SUGCT: variants seen among roughly 807,000 people sequenced by gnomAD.
SUGCT encodes succinyl-CoA:glutarate-CoA transferase.
In SUGCT, 41 loss-of-function variants were observed where a neutral mutation model predicts 55.0. The ratio of observed to expected loss-of-function variants is 0.74; its 90% CI spans 0.58 to 0.97. The LOEUF is 0.97. SUGCT is among the 50% of genes least tolerant of loss of function. SUGCT has a pLI of 0.00. For missense variants in SUGCT, 568 were observed against 547.8 expected (o/e 1.04, Z -0.37); for synonymous variants, 187 against 200.4 (o/e 0.93, Z 0.56).
At chr7:40,849,538 G>A (rs951004242) in intron 13 of SUGCT, among the ~76,000 whole-genome samples, 2 of 152,124 alleles carry the variant, frequency 1.3e-5, no homozygotes, top group African/African-American at 2.4e-5. Flanking sequence ...TTTCCCCCAT[G>A]TTTTTGGCTA....
At chr7:40,812,775 T>C (rs1023252229) in intron 13 of SUGCT, among the ~76,000 whole-genome samples, 1 of 152,120 alleles carries the variant, frequency 6.6e-6, no homozygotes, top group African/African-American at 2.4e-5. Flanking sequence ...GTTAGTTTGT[T>C]CCTGTTTCTC....
chr7:40,180,897 T>A (rs755650226), intron 1 of SUGCT, 50 bp from the exon 2 acceptor site: 5 of 1,374,190 alleles, frequency 3.6e-6, no homozygotes, highest in Non-Finnish European at 5.2e-6. Flanking sequence ...TGTGAAAATG[T>A]AAGAAAATTA....
At chr7:40,336,932 G>C (rs1267552262) in intron 9 of SUGCT, among the ~76,000 whole-genome samples, 2 of 152,196 alleles carry the variant, frequency 1.3e-5, no homozygotes, top group Non-Finnish European at 2.9e-5. Context: ...GTGTCCCAGA[G>C]ATTCTGGTAT....
chr7:40,189,620 C>T lies in SUGCT; in HGVS notation c.363+26C>T, dbSNP rs1221957224. The T allele has an allele frequency of 7.6e-6, 10 of 1,316,994 alleles. No individual in the cohort carries two copies. The Admixed American group carries it at 2.2e-4, about 29-fold the overall frequency. The allele number at this position is 1,316,994 out of a possible 1,614,324, so 81.6% of individuals were successfully genotyped here. A position where few individuals can be genotyped will look rare whatever the true frequency, so the allele number is the denominator to read the frequency against. On this transcript the variant is annotated intron_variant, in intron 5 of 13. Coordinates refer to ENST00000335693, the MANE Select transcript of SUGCT (RefSeq NM_001193313.2). The stretch of plus-strand genomic sequence containing the variant: ...GTACAGTATGATGTATAGAAAGCAT[C>T]CTACCACCTAGGTTATAATTAGGGT...
At chr7:40,156,623 A>C (rs184822624) in intron 1 of SUGCT, among the ~76,000 whole-genome samples, 1 of 152,200 alleles carries the variant, frequency 6.6e-6, no homozygotes, top group Admixed American at 6.5e-5. Flanking sequence ...ACCACCTCTG[A>C]GGTGGTGGCT....
the SUGCT span, among the ~76,000 whole-genome samples, chr7:40,895,760 C>T: frequency 6.6e-6 from 1 of 151,972 alleles, no homozygotes; most frequent in Non-Finnish European, 1.5e-5. Flanking sequence ...CAATCTTGAA[C>T]AAAAAGGACA....
At chr7:40,788,164 G>T (rs1178570991) in intron 13 of SUGCT, among the ~76,000 whole-genome samples, 1 of 152,166 alleles carries the variant, frequency 6.6e-6, no homozygotes, top group African/African-American at 2.4e-5. Flanking sequence ...TCTCCCTGCA[G>T]CAGGGTATCG....
At chr7:40,347,443 G>A (rs1428321227) in intron 9 of SUGCT, among the ~76,000 whole-genome samples, 1 of 152,178 alleles carries the variant, frequency 6.6e-6, no homozygotes, top group East Asian at 1.9e-4. Flanking sequence ...CATGAAACTG[G>A]TTATTTAGCT....
chr7:40,311,092 C>T (rs1013437181), intron 8 of SUGCT, among the ~76,000 whole-genome samples: 5 of 152,170 alleles, frequency 3.3e-5, no homozygotes, highest in Admixed American at 6.5e-5. Flanking sequence ...TCTGTTAAGG[C>T]TGTCATAGTT....
the SUGCT span, among the ~76,000 whole-genome samples, chr7:40,960,366 G>A: frequency 5.9e-5 from 9 of 152,116 alleles, no homozygotes; most frequent in Non-Finnish European, 1.3e-4. Flanking sequence ...CCAGTGTTTT[G>A]TGTCCCCACA....
chr7:40,155,712 G>A (rs1325116219), intron 1 of SUGCT, among the ~76,000 whole-genome samples: 1 of 152,148 alleles, frequency 6.6e-6, no homozygotes, highest in Admixed American at 6.5e-5. Flanking sequence ...TTAATAATTG[G>A]TTATTAATGA....
At position 40,208,765 on chromosome 7, in the gene SUGCT, G is replaced by A. The variant is rs138453165; in HGVS notation, c.484+13705G>A. Among the ~76,000 whole-genome samples the A allele has an allele frequency of 4.5e-3, 685 of 152,044 alleles. 6 individuals carry two copies. The highest frequency in any genetic ancestry group is 0.016 in the African/African-American group (661 of 41,456). ...TCACCGTGTTGCCCAGGCTGGCCTC[G>A]AACTCCTGAGCTCAGGCAATCCGCC... On this transcript the variant is annotated intron_variant, in intron 6 of 13. Transcript: ENST00000335693.
chr7:40,832,155 T>C (rs924172212), intron 13 of SUGCT, among the ~76,000 whole-genome samples: 5 of 152,112 alleles, frequency 3.3e-5, no homozygotes. Context: ...TGGAGAGCAC[T>C]CATGAGATAG....
intron 6 of SUGCT, among the ~76,000 whole-genome samples, chr7:40,208,613 C>G (rs998855477): frequency 2.0e-5 from 3 of 151,600 alleles, no homozygotes; most frequent in African/African-American, 7.3e-5. Flanking sequence ...GGTGCGATCT[C>G]GGCTCACTGC....
rs542317900 is a variant in SUGCT, at chr7:40,563,285, G to A, written c.1089+66899G>A. ...TATTTTCATCTTGCCTGCTTTTATGGTAGCTGCTTCTTCCTCCCATGTTCT... is the reference window on the plus strand; with the variant it reads ...TATTTTCATCTTGCCTGCTTTTATGATAGCTGCTTCTTCCTCCCATGTTCT... On this transcript the variant is annotated intron_variant, in intron 12 of 13. Transcript: ENST00000335693. Among the ~76,000 whole-genome samples the A allele has an allele frequency of 2.9e-3, 438 of 152,258 alleles. 4 individuals carry two copies. Among genetic ancestry groups the A allele is most frequent in the African/African-American group, 9.8e-3 (406 of 41,532 alleles).
At chr7:40,602,114 T>C (rs1354425456) in intron 12 of SUGCT, among the ~76,000 whole-genome samples, 2 of 152,218 alleles carry the variant, frequency 1.3e-5, no homozygotes, top group African/African-American at 2.4e-5. Flanking sequence ...ATAGATTTGT[T>C]TCCTCTCTCA....
intron 12 of SUGCT, among the ~76,000 whole-genome samples, chr7:40,516,426 A>G (rs1793235735): frequency 6.6e-6 from 1 of 152,186 alleles, no homozygotes; most frequent in African/African-American, 2.4e-5. Context: ...TAATCTGAGG[A>G]CATGAAGATT....
At chr7:40,179,658 T>C (rs975396598) in intron 1 of SUGCT, among the ~76,000 whole-genome samples, 1 of 152,222 alleles carries the variant, frequency 6.6e-6, no homozygotes, top group Non-Finnish European at 1.5e-5. Context: ...TGGCTCGGCC[T>C]GGGTGTTCCA....
At chr7:40,457,934 C>T (rs1789577907) in intron 10 of SUGCT, among the ~76,000 whole-genome samples, 1 of 152,120 alleles carries the variant, frequency 6.6e-6, no homozygotes, top group Non-Finnish European at 1.5e-5. Context: ...ATTCTTGGAT[C>T]AGGTGTTGTG....
Sources: gnomAD v4.1 joint callset for allele counts (sites outside exome capture counted in the v4.1 genomes callset) on GRCh38, gnomAD v4.1.1 for gene constraint, MANE v1.5 for transcripts, NCBI Gene and HGNC (gene_info 2026-07-23, HGNC 2026-07-21) for gene names.